CARS2: variants seen among roughly 807,000 people sequenced by gnomAD.
CARS2 encodes probable cysteine--tRNA ligase, mitochondrial.
In CARS2, 52 loss-of-function variants were observed where a neutral mutation model predicts 68.8. The observed-to-expected ratio is 0.76, with a 90% CI of 0.61 to 0.95. The LOEUF (loss-of-function observed/expected upper bound fraction) is 0.95, where lower values mean the gene tolerates loss of function less well. Among genes scored for constraint, CARS2 ranks in the 40% least tolerant of loss-of-function variants. The pLI, the probability that CARS2 is intolerant of heterozygous loss-of-function variation, is 0.00. For missense variants in CARS2, 780 were observed against 754.2 expected, an observed-to-expected ratio of 1.03 and a Z score of -0.40; for synonymous variants, 314 against 303.6, an observed-to-expected ratio of 1.03 and a Z score of -0.36.
At chr13:110,704,272 T>C (rs919563253) in intron 2 of CARS2, among the ~76,000 whole-genome samples, 2 of 152,254 alleles carry the variant, frequency 1.3e-5, no homozygotes, top group African/African-American at 2.4e-5. Flanking sequence ...AGAACTGTTT[T>C]CTTTCTCTTC....
chr13:110,674,115 C>T (rs558899101), intron 7 of CARS2, among the ~76,000 whole-genome samples: 12 of 152,238 alleles, frequency 7.9e-5, no homozygotes, highest in South Asian at 6.2e-4. Context: ...GAATCAATAT[C>T]GTGAAAATGG....
chr13:110,669,166 T>C (rs2062733489), intron 7 of CARS2, among the ~76,000 whole-genome samples: 1 of 152,140 alleles, frequency 6.6e-6, no homozygotes, highest in Non-Finnish European at 1.5e-5. Context: ...GGTGGGGGCT[T>C]AGCAGAAAAG....
chr13:110,671,649 G>A (rs1458873095), intron 7 of CARS2, among the ~76,000 whole-genome samples: 1 of 152,178 alleles, frequency 6.6e-6, no homozygotes, highest in Non-Finnish European at 1.5e-5. Flanking sequence ...GGAAGAAACT[G>A]CATCAACTAA....
At position 110,647,091 on chromosome 13, in the gene CARS2, G is replaced by T; in HGVS notation, c.1193+10C>A. Reference sequence around the variant, plus strand: ...GGGGTGCCACGCCGGGTGCTAGGCGGGCCTCTTACCTCTCCCACAGCATCG... The same window carrying T: ...GGGGTGCCACGCCGGGTGCTAGGCGTGCCTCTTACCTCTCCCACAGCATCG... On this transcript the variant is annotated intron_variant, in intron 11 of 14. Transcript: ENST00000257347. 1.3e-6 allele frequency: 2 copies of T among 1,567,756 alleles called. No homozygotes were observed. The highest frequency in any genetic ancestry group is 8.6e-7 in the Non-Finnish European group (1 of 1,157,144).
At chr13:110,673,840 T>A (rs1014143656) in intron 7 of CARS2, among the ~76,000 whole-genome samples, 1 of 152,144 alleles carries the variant, frequency 6.6e-6, no homozygotes, top group African/African-American at 2.4e-5. Context: ...AAAATCTCCT[T>A]AAGCTGATAA....
chr13:110,664,372 G>A (rs866212408), intron 8 of CARS2: 1 of 266,896 alleles, frequency 3.7e-6, no homozygotes, highest in Non-Finnish European at 5.8e-6. Flanking sequence ...AGCTGGGCGT[G>A]GTGGGGCACA....
chr13:110,667,391 A>G lies in CARS2; in HGVS notation c.868T>C (p.Cys290Arg), dbSNP rs1240392926. ...TGCTCGCACTGATGAAAGACTTCGCACTGTGCAATTTCGTTTTCATGATGT... is the reference window on the plus strand; with the variant it reads ...TGCTCGCACTGATGAAAGACTTCGCGCTGTGCAATTTCGTTTTCATGATGT... ...FPHHENEIAQ[C>R]EVFHQCEQWG... Residue 290 changes from cysteine to arginine, a missense_variant, in exon 8 of 15, where the codon TGC (cysteine) becomes CGC (arginine). By Grantham distance (180) the Cys-to-Arg change is radical. Coordinates refer to ENST00000257347, the MANE Select transcript of CARS2 (RefSeq NM_024537.4). 8.7e-6 allele frequency: 14 copies of G among 1,613,798 alleles called. No homozygotes were observed. Among genetic ancestry groups the G allele is most frequent in the Non-Finnish European group, 1.2e-5 (14 of 1,179,692 alleles).
At chr13:110,700,764 C>T (rs61971615) in intron 3 of CARS2, among the ~76,000 whole-genome samples, 54,336 of 152,128 alleles carry the variant, frequency 0.36, 11,145 homozygotes, top group African/African-American at 0.57. Context: ...AATATGAATA[C>T]GTCCAATCAG....
Position 110,646,462 on chromosome 13 carries a change from G to A in CARS2, c.1194-372C>T, listed in dbSNP as rs1474052350. ...AAGAGAGGCTGGGGAGGCCCAGCCC[G>A]GGGCTCCCGGATCTCAGCCTCCCGT... On this transcript the variant is annotated intron_variant, in intron 11 of 14. Transcript: ENST00000257347. The A allele has an allele frequency of 4.0e-5, 7 of 173,430 alleles. No individual in the cohort carries two copies. The South Asian group carries it at 5.8e-4, about 14-fold the overall frequency. 10.7% of individuals were successfully genotyped at this position (173,430 alleles called of 1,614,324 possible).
intron 6 of CARS2, among the ~76,000 whole-genome samples, chr13:110,681,068 TTTTG>T (rs1449498666): frequency 6.6e-6 from 1 of 152,152 alleles, no homozygotes; most frequent in African/African-American, 2.4e-5. Flanking sequence ...AGCTGGGCAT[TTTTG>T]TTTGTTTGGT....
chr13:110,691,164 C>T (rs917193815), intron 3 of CARS2, among the ~76,000 whole-genome samples: 4 of 152,112 alleles, frequency 2.6e-5, no homozygotes, highest in Non-Finnish European at 4.4e-5. Flanking sequence ...TACAGGCACA[C>T]GCCACCATGC....
chr13:110,690,505 G>A (rs1162468427), intron 3 of CARS2, among the ~76,000 whole-genome samples: 1 of 152,126 alleles, frequency 6.6e-6, no homozygotes, highest in Non-Finnish European at 1.5e-5. Flanking sequence ...AGAATCCTGG[G>A]GGTCCATCAT....
At chr13:110,680,387 C>T (rs1356873634) in intron 6 of CARS2, among the ~76,000 whole-genome samples, 9 of 152,026 alleles carry the variant, frequency 5.9e-5, no homozygotes, top group African/African-American at 1.9e-4. Flanking sequence ...AGTGAGATTC[C>T]GTCTCAAAAA....
At chr13:110,707,881 A>T (rs1175710429), upstream of CARS2, among the ~76,000 whole-genome samples, 2 of 152,208 alleles carry the variant, frequency 1.3e-5, no homozygotes, top group Non-Finnish European at 2.9e-5. Context: ...ATTCTGTTTC[A>T]AGCTAACTGT....
chr13:110,684,837 G>A (rs1396107680), intron 5 of CARS2, among the ~76,000 whole-genome samples: 1 of 152,102 alleles, frequency 6.6e-6, no homozygotes, highest in Admixed American at 6.6e-5. Context: ...TCAATTTGCT[G>A]AAGAAATTGT....
rs9583527 is a variant in CARS2 at position 110,687,694 on chromosome 13, A to G, written c.571+27T>C. ...ACTCTGTCTCAAAAAAAAAAAAAGA[A>G]AAAAAAAAAAAGAACATAAACCCTA... On this transcript the variant is annotated intron_variant, in intron 5 of 14. Transcript: ENST00000257347. 267 of 1,318,604 alleles carry G rather than the reference A, an allele frequency of 2.0e-4. 1 individual carries two copies. In the African/African-American group the frequency reaches 4.6e-3, roughly 23 times the overall value. 81.7% of individuals were successfully genotyped at this position (1,318,604 alleles called of 1,614,324 possible). A position where few individuals can be genotyped will look rare whatever the true frequency, so the allele number is the denominator to read the frequency against.
At chr13:110,688,589 G>A (rs576454265) in intron 3 of CARS2, among the ~76,000 whole-genome samples, 1 of 151,938 alleles carries the variant, frequency 6.6e-6, no homozygotes, top group African/African-American at 2.4e-5. Flanking sequence ...TTAATCCTCA[G>A]GAGAAAAAAA....
At chr13:110,685,423 C>T (rs1277347352) in intron 5 of CARS2, among the ~76,000 whole-genome samples, 1 of 152,222 alleles carries the variant, frequency 6.6e-6, no homozygotes. Context: ...GCCTCACGTG[C>T]TCATCTTACG....
At chr13:110,651,422 G>A (rs1422118692) in intron 9 of CARS2, among the ~76,000 whole-genome samples, 1 of 152,224 alleles carries the variant, frequency 6.6e-6, no homozygotes, top group Non-Finnish European at 1.5e-5. Context: ...CGACAGGGAC[G>A]TGGGACAGAC....
Sources: allele counts gnomAD v4.1 joint callset (sites outside exome capture counted in the v4.1 genomes callset), GRCh38; gene constraint gnomAD v4.1.1; transcripts MANE v1.5; gene names NCBI Gene and HGNC (gene_info 2026-07-23, HGNC 2026-07-21).